The following NRG3 variants were observed in gnomAD, a reference collection of about 807,000 sequenced individuals.
NRG3 encodes neuregulin 3.
In NRG3, 31 loss-of-function variants were observed where a neutral mutation model predicts 66.9. The observed-to-expected ratio is 0.46, with a 90% confidence interval of 0.35 to 0.63. The LOEUF (loss-of-function observed/expected upper bound fraction) is 0.63, where lower values mean the gene tolerates loss of function less well. Ranked by LOEUF, NRG3 falls within the 20% of genes least tolerant of loss-of-function variation. The pLI, the probability that NRG3 is intolerant of heterozygous loss-of-function variation, is 0.00. For synonymous variants in NRG3, 393 were observed against 359.4 expected (o/e 1.09, Z -1.06); for missense variants, 910 against 878.9 (o/e 1.04, Z -0.45).
intron 1 of NRG3, among the ~76,000 whole-genome samples, chr10:82,355,854 A>AGT (rs2083745562): frequency 2.0e-5 from 3 of 152,346 alleles, no homozygotes; most frequent in Admixed American, 2.0e-4. Context: ...TGATAATTGC[A>AGT]GTTATTTACT....
chr10:82,251,087 T>C (rs975901704), intron 1 of NRG3, among the ~76,000 whole-genome samples: 2 of 152,200 alleles, frequency 1.3e-5, no homozygotes, highest in Non-Finnish European at 2.9e-5. Context: ...TCTGACGACG[T>C]TGGACGTACA....
intron 2 of NRG3, among the ~76,000 whole-genome samples, chr10:82,619,767 A>C (rs1037606567): frequency 3.9e-5 from 6 of 152,186 alleles, no homozygotes; most frequent in Admixed American, 1.3e-4. Context: ...GGACACAGAC[A>C]GACATAGAGG....
intron 1 of NRG3, among the ~76,000 whole-genome samples, chr10:81,890,305 A>C (rs1335896327): frequency 6.6e-6 from 1 of 152,176 alleles, no homozygotes; most frequent in Non-Finnish European, 1.5e-5. Context: ...GAAGGGAGAA[A>C]CTTGCCGAAT....
intron 2 of NRG3, among the ~76,000 whole-genome samples, chr10:82,483,804 A>G (rs1842471409): frequency 6.6e-6 from 1 of 152,154 alleles, no homozygotes; most frequent in Non-Finnish European, 1.5e-5. Context: ...TCATGACTGT[A>G]TGCATTGCTC....
intron 3 of NRG3, among the ~76,000 whole-genome samples, chr10:82,751,129 G>T (rs765850935): frequency 6.6e-6 from 1 of 152,060 alleles, no homozygotes; most frequent in Non-Finnish European, 1.5e-5. Flanking sequence ...CTGAATTCCT[G>T]GCTCCCCTAA....
intron 3 of NRG3, among the ~76,000 whole-genome samples, chr10:82,812,551 TA>T: frequency 6.6e-6 from 1 of 152,244 alleles, no homozygotes. Flanking sequence ...GTGGGTGAAA[TA>T]AAAATAAGAT....
intron 1 of NRG3, among the ~76,000 whole-genome samples, chr10:82,029,021 C>T (rs866965585): frequency 3.9e-5 from 6 of 152,054 alleles, no homozygotes; most frequent in Middle Eastern, 6.8e-3. Flanking sequence ...CCAGACTGGC[C>T]AACATGGTAA....
chr10:82,878,758 A>G lies in NRG3; in HGVS notation c.1054+13321A>G, dbSNP rs117114323. Among the ~76,000 whole-genome samples the G allele has an allele frequency of 1.3e-3, 193 of 152,344 alleles. 1 individual carries two copies. The East Asian group carries it at 0.035, about 27-fold the overall frequency. ...CATTATAATTTAATTTGGATTACATATAACTTTTTCCTTAAAACATCCATA... is the reference window on the plus strand; with the variant it reads ...CATTATAATTTAATTTGGATTACATGTAACTTTTTCCTTAAAACATCCATA... On this transcript the variant is annotated intron_variant, in intron 4 of 8. Coordinates refer to ENST00000372141, the MANE Select transcript of NRG3 (RefSeq NM_001010848.4).
intron 2 of NRG3, among the ~76,000 whole-genome samples, chr10:82,592,753 G>A (rs1044714692): frequency 3.9e-5 from 6 of 152,140 alleles, no homozygotes; most frequent in South Asian, 4.1e-4. Context: ...GGAAATAGAC[G>A]ATTAAATGTT....
intron 1 of NRG3, among the ~76,000 whole-genome samples, chr10:82,251,695 G>C (rs540285677): frequency 2.0e-5 from 3 of 152,154 alleles, no homozygotes; most frequent in Admixed American, 2.0e-4. Flanking sequence ...AGGTGCCTTT[G>C]TTTAAATCGA....
chr10:82,506,495 G>T (rs612113), intron 2 of NRG3, among the ~76,000 whole-genome samples: 60,559 of 151,568 alleles, frequency 0.4, 14,529 homozygotes, highest in African/African-American at 0.66. Flanking sequence ...ACTGCTTGGG[G>T]CTTTCCTCTA....
intron 2 of NRG3, among the ~76,000 whole-genome samples, chr10:82,650,349 C>A (rs930197154): frequency 3.1e-4 from 47 of 152,130 alleles, no homozygotes; most frequent in Admixed American, 5.9e-4. Context: ...CTCCTCCCAG[C>A]GAGCTATTAA....
chr10:82,942,507 G>A (rs1398891835), intron 4 of NRG3, among the ~76,000 whole-genome samples: 1 of 152,194 alleles, frequency 6.6e-6, no homozygotes, highest in East Asian at 1.9e-4. Flanking sequence ...GTGTCTCCAA[G>A]GACAAAGAGC....
At chr10:82,013,645 C>T (rs1419911063) in intron 1 of NRG3, among the ~76,000 whole-genome samples, 3 of 151,896 alleles carry the variant, frequency 2.0e-5, no homozygotes, top group Non-Finnish European at 4.4e-5. Context: ...CAAGGTCAGA[C>T]TGTAGATTCC....
At chr10:82,732,646 A>C (rs778309149) in intron 2 of NRG3, among the ~76,000 whole-genome samples, 14 of 152,200 alleles carry the variant, frequency 9.2e-5, no homozygotes, top group Non-Finnish European at 1.9e-4. Context: ...ACATTTCTTG[A>C]ATGCTTATCA....
At chr10:82,837,208 T>C (rs1367208011) in intron 3 of NRG3, among the ~76,000 whole-genome samples, 1 of 152,182 alleles carries the variant, frequency 6.6e-6, no homozygotes, top group Non-Finnish European at 1.5e-5. Context: ...AACATACGTG[T>C]GCATGTGTCT....
intron 2 of NRG3, among the ~76,000 whole-genome samples, chr10:82,675,164 C>T (rs2053589563): frequency 6.6e-6 from 1 of 151,974 alleles, no homozygotes; most frequent in South Asian, 2.1e-4. Flanking sequence ...TCTATGTTGA[C>T]GAGGCTGCTC....
At chr10:82,650,432 A>G (rs2051322505) in intron 2 of NRG3, among the ~76,000 whole-genome samples, 1 of 151,970 alleles carries the variant, frequency 6.6e-6, no homozygotes, top group Admixed American at 6.5e-5. Flanking sequence ...GGAAACAAAA[A>G]CAAAAAAAAA....
At chr10:82,445,680 A>G (rs1355305946) in intron 2 of NRG3, among the ~76,000 whole-genome samples, 1 of 152,022 alleles carries the variant, frequency 6.6e-6, no homozygotes, top group Non-Finnish European at 1.5e-5. Flanking sequence ...CTGATTCTAT[A>G]CCCTAAACAT....
Sources: allele counts gnomAD v4.1 joint callset (sites outside exome capture counted in the v4.1 genomes callset), GRCh38; gene constraint gnomAD v4.1.1; transcripts MANE v1.5; gene names NCBI Gene and HGNC (gene_info 2026-07-23, HGNC 2026-07-21).